Variants in CAMK4 observed in about 807,000 individuals in gnomAD.
CAMK4 encodes calcium/calmodulin-dependent protein kinase type IV.
In CAMK4, 22 loss-of-function variants were observed where a neutral mutation model predicts 44.9. The ratio of observed to expected loss-of-function variants is 0.49; its 90% CI spans 0.35 to 0.70. The LOEUF is 0.70. Ranked by LOEUF, CAMK4 falls within the 30% of genes least tolerant of loss-of-function variation. The probability of loss-of-function intolerance (pLI) is 0.01; values close to 1 mark genes in which losing one functional copy is unlikely to be tolerated. For missense variants in CAMK4, 498 were observed against 586.8 expected (o/e 0.85, Z 1.56); for synonymous variants, 218 against 215.4 (o/e 1.01, Z -0.11).
intron 1 of CAMK4, among the ~76,000 whole-genome samples, chr5:111,279,714 C>T (rs750933409): frequency 2.0e-5 from 3 of 151,604 alleles, no homozygotes; most frequent in Non-Finnish European, 3.0e-5. Context: ...GTGCACTACA[C>T]AGTGTGTGTA....
intron 5 of CAMK4, among the ~76,000 whole-genome samples, chr5:111,424,014 C>T (rs1166324745): frequency 3.3e-5 from 5 of 152,188 alleles, no homozygotes; most frequent in African/African-American, 4.8e-5. Context: ...GGTCCATGGA[C>T]GAAGCAGGAT....
intron 1 of CAMK4, among the ~76,000 whole-genome samples, chr5:111,259,108 A>G (rs72780331): frequency 0.052 from 7,963 of 152,276 alleles, 274 homozygotes; most frequent in Middle Eastern, 0.095. Flanking sequence ...ATAAAAGGAC[A>G]CATAGTCATA....
chr5:111,290,738 A>G lies in CAMK4; in HGVS notation c.162-53286A>G, dbSNP rs77140443. On this transcript the variant is annotated intron_variant, in intron 1 of 10. Transcript: ENST00000282356. This position sits in a 1 kb window ranked among gnomAD's most constrained non-coding sequence, Gnocchi z 4.5. ...GTGATGGAATCAGCAGGGAGACTACATGGTGAGAAGTGGGAGAAGTGCTGG... is the reference window on the plus strand; with the variant it reads ...GTGATGGAATCAGCAGGGAGACTACGTGGTGAGAAGTGGGAGAAGTGCTGG... Among the ~76,000 whole-genome samples, 1,084 of 152,294 alleles carry G rather than the reference A, an allele frequency of 7.1e-3. 12 individuals are homozygous for G. The highest frequency in any genetic ancestry group is 0.013 in the Non-Finnish European group (882 of 68,008).
chr5:111,322,218 A>G (rs1188354174), intron 1 of CAMK4, among the ~76,000 whole-genome samples: 4 of 152,110 alleles, frequency 2.6e-5, no homozygotes, highest in African/African-American at 9.7e-5. Context: ...GAGACGAAGT[A>G]GAAACAAATG....
chr5:111,230,964 A>G (rs1383535668), intron 1 of CAMK4, among the ~76,000 whole-genome samples: 1 of 152,150 alleles, frequency 6.6e-6, no homozygotes, highest in Non-Finnish European at 1.5e-5. Flanking sequence ...AATTCAGGAC[A>G]AAGAGGAACT....
At chr5:111,476,756 T>C (rs957448984) in intron 8 of CAMK4, among the ~76,000 whole-genome samples, 1 of 152,180 alleles carries the variant, frequency 6.6e-6, no homozygotes, top group Non-Finnish European at 1.5e-5. Flanking sequence ...GCTGCAGGAC[T>C]GGGCCTTATG....
At chr5:111,418,470 T>C (rs1250392245) in intron 5 of CAMK4, among the ~76,000 whole-genome samples, 1 of 152,144 alleles carries the variant, frequency 6.6e-6, no homozygotes, top group African/African-American at 2.4e-5. Context: ...ACTTTAAGTT[T>C]TAGGGTACAT....
intron 5 of CAMK4, among the ~76,000 whole-genome samples, chr5:111,441,340 A>G (rs1753816094): frequency 1.3e-5 from 2 of 152,188 alleles, no homozygotes; most frequent in Admixed American, 1.3e-4. Flanking sequence ...ATGCTTTTTA[A>G]AAATATAACA....
intron 7 of CAMK4, among the ~76,000 whole-genome samples, chr5:111,462,225 G>C (rs532367590): frequency 2.0e-5 from 3 of 152,246 alleles, no homozygotes; most frequent in East Asian, 3.9e-4. Flanking sequence ...CTACATCTCA[G>C]TTCAAACTTT....
At chr5:111,372,475 G>T (rs766642866) in intron 2 of CAMK4, among the ~76,000 whole-genome samples, 1 of 152,092 alleles carries the variant, frequency 6.6e-6, no homozygotes, top group Non-Finnish European at 1.5e-5. Context: ...TACAGACTTG[G>T]AGCTTCTGTG....
intron 1 of CAMK4, among the ~76,000 whole-genome samples, chr5:111,273,710 TATATATATACAC>T (rs1389008231): frequency 0.035 from 2,077 of 59,072 alleles, 165 homozygotes; most frequent in African/African-American, 0.16. Flanking sequence ...TATATATATA[TATATATATACAC>T]ACACATACAT....
At chr5:111,445,875 A>AT (rs1754009005) in intron 5 of CAMK4, among the ~76,000 whole-genome samples, 1 of 152,068 alleles carries the variant, frequency 6.6e-6, no homozygotes, top group African/African-American at 2.4e-5. Context: ...ATGCATAGAA[A>AT]AAATGTTCAA....
chr5:111,323,054 G>A (rs1211044881), intron 1 of CAMK4, among the ~76,000 whole-genome samples: 4 of 152,080 alleles, frequency 2.6e-5, no homozygotes, highest in Admixed American at 2.0e-4. Flanking sequence ...CTCAGAGGGA[G>A]TGGAGAGTGA....
chr5:111,286,600 C>T (rs376295471), intron 1 of CAMK4, among the ~76,000 whole-genome samples: 1 of 152,132 alleles, frequency 6.6e-6, no homozygotes, highest in Non-Finnish European at 1.5e-5. Flanking sequence ...AAATCCAGTT[C>T]TTCTGGTCCC....
chr5:111,330,018 G>C (rs1261639529), intron 1 of CAMK4, among the ~76,000 whole-genome samples: 1 of 151,130 alleles, frequency 6.6e-6, no homozygotes, highest in Non-Finnish European at 1.5e-5. Flanking sequence ...AAAAGGTAAA[G>C]TTTGAAGTAA....
At chr5:111,469,160 AAAAAAAAAAAAAATATATATATAT>A (rs57897155) in intron 7 of CAMK4, among the ~76,000 whole-genome samples, 9,179 of 89,004 alleles carry the variant, frequency 0.1, 278 homozygotes, top group Non-Finnish European at 0.14. Context: ...AAAAAAAAAA[AAAAAAAAAAAAAATATATATATAT>A]ATATATATAT....
intron 5 of CAMK4, 59 bp downstream of exon 5, chr5:111,394,841 C>A: frequency 3.7e-6 from 4 of 1,078,778 alleles, no homozygotes; most frequent in South Asian, 1.3e-5. Flanking sequence ...TTTACAGAAT[C>A]ATCATTTAAG....
rs1456772546 is a variant in CAMK4 at position 111,482,483 on chromosome 5, C to G, written c.829-302C>G. 1 of 219,982 alleles carries G rather than the reference C, an allele frequency of 4.5e-6. No homozygotes were observed. The highest frequency in any genetic ancestry group is 9.4e-5 in the East Asian group (1 of 10,608). The allele number at this position is 219,982 out of a possible 1,614,324, so 13.6% of individuals were successfully genotyped here. ...GCCCAGAATTATTTTGCTGGTTCTG[C>G]CTTCAAAGAACTTCCAGTCCACAGG... is the stretch of plus-strand genomic sequence containing the variant. On this transcript the variant is annotated intron_variant, in intron 9 of 10. Transcript: ENST00000282356. The surrounding 1 kb of genome is among the most constrained non-coding windows in gnomAD (Gnocchi z 4.9).
intron 5 of CAMK4, among the ~76,000 whole-genome samples, chr5:111,428,863 C>A (rs1201121845): frequency 6.6e-6 from 1 of 151,954 alleles, no homozygotes; most frequent in African/African-American, 2.4e-5. Context: ...TATAGAATAC[C>A]AAGAAGATGT....
Sources: gnomAD v4.1 joint callset for allele counts (sites outside exome capture counted in the v4.1 genomes callset) on GRCh38, gnomAD v4.1.1 for gene constraint, Gnocchi (gnomAD v3.1) non-coding constraint, MANE v1.5 for transcripts, NCBI Gene and HGNC (gene_info 2026-07-23, HGNC 2026-07-21) for gene names.